DISC1: variants seen among roughly 807,000 people sequenced by gnomAD.
DISC1 encodes disrupted in schizophrenia 1 protein.
DISC1 carries 57 observed loss-of-function variants against 84.5 expected under a neutral mutation model. The ratio of observed to expected loss-of-function variants is 0.67; its 90% confidence interval spans 0.55 to 0.84. The LOEUF (loss-of-function observed/expected upper bound fraction) is 0.84. Among genes scored for constraint, DISC1 ranks in the 40% least tolerant of loss-of-function variants. The probability of loss-of-function intolerance (pLI) is 0.00; values close to 1 mark genes in which losing one functional copy is unlikely to be tolerated. For synonymous variants in DISC1, 411 were observed against 415.2 expected, an observed-to-expected ratio of 0.99 and a Z score of 0.12; for missense variants, 1,000 against 1,057.8, an observed-to-expected ratio of 0.95 and a Z score of 0.76.
At chr1:232,010,769 A>G (rs2103002867) in intron 11 of DISC1, among the ~76,000 whole-genome samples, 1 of 152,262 alleles carries the variant, frequency 6.6e-6, no homozygotes, top group South Asian at 2.1e-4. Context: ...AAGGAGTATG[A>G]TTTAATGGCA....
At chr1:231,631,853 G>A (rs2058735665) in intron 1 of DISC1, among the ~76,000 whole-genome samples, 2 of 152,112 alleles carry the variant, frequency 1.3e-5, no homozygotes, top group Non-Finnish European at 2.9e-5. Flanking sequence ...TAAGTGTACA[G>A]CGTTTATAAA....
chr1:231,916,479 C>T (rs1197547242), intron 9 of DISC1, among the ~76,000 whole-genome samples: 2 of 151,472 alleles, frequency 1.3e-5, no homozygotes, highest in Non-Finnish European at 2.9e-5. Flanking sequence ...GCGGTGAAAC[C>T]CCGTCTCTAC....
intron 9 of DISC1, among the ~76,000 whole-genome samples, chr1:231,902,418 T>C (rs1257586471): frequency 2.0e-5 from 3 of 152,094 alleles, no homozygotes; most frequent in Non-Finnish European, 4.4e-5. Context: ...CTGGCCAACA[T>C]GATGAAACCC....
At chr1:231,761,543 G>A (rs942596441) in intron 4 of DISC1, among the ~76,000 whole-genome samples, 12 of 151,964 alleles carry the variant, frequency 7.9e-5, no homozygotes, top group African/African-American at 2.9e-4. Context: ...TAATCACAGG[G>A]GATTTTCTTA....
chr1:231,850,786 G>T (rs1574257941), intron 9 of DISC1, among the ~76,000 whole-genome samples: 2 of 152,152 alleles, frequency 1.3e-5, no homozygotes, highest in East Asian at 3.8e-4. Context: ...TACGTCTTTG[G>T]TTCATTTTTT....
At chr1:231,912,747 T>TTCTC (rs1405064859) in intron 9 of DISC1, among the ~76,000 whole-genome samples, 1 of 3,644 alleles carries the variant, frequency 2.7e-4, no homozygotes, top group African/African-American at 1.3e-3. Flanking sequence ...TTGCTCTTCT[T>TTCTC]TCTTTCTTTC....
intron 3 of DISC1, among the ~76,000 whole-genome samples, chr1:231,720,083 G>A (rs1186712425): frequency 6.6e-6 from 1 of 152,128 alleles, no homozygotes; most frequent in African/African-American, 2.4e-5. Flanking sequence ...GTTTGCTACC[G>A]AGCGTGGCAA....
intron 10 of DISC1, among the ~76,000 whole-genome samples, chr1:231,995,393 G>A (rs1213426075): frequency 1.3e-5 from 2 of 151,600 alleles, no homozygotes; most frequent in African/African-American, 2.4e-5. Flanking sequence ...ACAATGTGCA[G>A]GTTAGTTACA....
chr1:231,790,320 A>G (rs931838634), intron 6 of DISC1, among the ~76,000 whole-genome samples: 5 of 152,248 alleles, frequency 3.3e-5, no homozygotes, highest in Middle Eastern at 3.4e-3. Context: ...GTCGTAATAA[A>G]GTACCATGGA....
chr1:231,703,755 C>T (rs1255520485), intron 3 of DISC1, among the ~76,000 whole-genome samples: 1 of 152,224 alleles, frequency 6.6e-6, no homozygotes, highest in East Asian at 1.9e-4. Flanking sequence ...TCAAAGAATA[C>T]AGGCATCTTC....
chr1:231,636,769 A>G (rs1335176162), intron 1 of DISC1, among the ~76,000 whole-genome samples: 2 of 152,152 alleles, frequency 1.3e-5, no homozygotes, highest in Non-Finnish European at 2.9e-5. Context: ...TTATATTGAC[A>G]CTACCTTTAA....
chr1:231,694,249 G>T lies in DISC1; in HGVS notation c.491G>T (p.Cys164Phe), dbSNP rs181767113. The change falls in exon 2 of 13, where the codon TGC (cysteine) becomes TTC (phenylalanine). Residue 164 changes from cysteine (C) to phenylalanine (F), a missense_variant. By Grantham distance (205) the Cys-to-Phe change is radical. Coordinates refer to ENST00000439617, the MANE Select transcript of DISC1 (RefSeq NM_018662.3). The part of the protein sequence containing the change: ...ETLDASWEAA[C>F]SDGARRVRAA... ...CTGGACGCCAGCTGGGAGGCAGCCTGCAGCGATGGAGCAAGGCGTGTCCGG... is the reference window on the plus strand; with the variant it reads ...CTGGACGCCAGCTGGGAGGCAGCCTTCAGCGATGGAGCAAGGCGTGTCCGG... The T allele has an allele frequency of 6.2e-7, 1 of 1,614,234 alleles. No individual in the cohort carries two copies. Among genetic ancestry groups the T allele is most frequent in the African/African-American group, 1.3e-5 (1 of 75,072 alleles).
At chr1:231,831,086 C>A (rs2082189059) in intron 9 of DISC1, among the ~76,000 whole-genome samples, 1 of 152,164 alleles carries the variant, frequency 6.6e-6, no homozygotes, top group Non-Finnish European at 1.5e-5. Flanking sequence ...GGCCTCTACC[C>A]ATCCAGTGAA....
At chr1:231,764,686 T>A (rs1049757546) in intron 4 of DISC1, among the ~76,000 whole-genome samples, 3 of 152,192 alleles carry the variant, frequency 2.0e-5, no homozygotes, top group African/African-American at 7.2e-5. Flanking sequence ...GAAAAAAACC[T>A]GATTTTTGTA....
At chr1:231,975,054 G>A (rs941545850) in intron 10 of DISC1, among the ~76,000 whole-genome samples, 3 of 152,086 alleles carry the variant, frequency 2.0e-5, no homozygotes, top group African/African-American at 4.8e-5. Flanking sequence ...AGCTGAGATC[G>A]CACCACTGCA....
At chr1:231,742,275 C>G (rs931206441) in intron 3 of DISC1, among the ~76,000 whole-genome samples, 1 of 152,120 alleles carries the variant, frequency 6.6e-6, no homozygotes, top group Non-Finnish European at 1.5e-5. Flanking sequence ...TTCGGGGAAC[C>G]CAGAGAGCCA....
At chr1:231,949,296 A>G (rs1018818595) in intron 9 of DISC1, among the ~76,000 whole-genome samples, 1 of 152,098 alleles carries the variant, frequency 6.6e-6, no homozygotes, top group Non-Finnish European at 1.5e-5. Flanking sequence ...TTTGGCCTCT[A>G]ATGAGACTAT....
chr1:231,641,173 A>G (rs537174545), intron 1 of DISC1, among the ~76,000 whole-genome samples: 2 of 152,310 alleles, frequency 1.3e-5, no homozygotes, highest in African/African-American at 4.8e-5. Flanking sequence ...TTGGGCTCTG[A>G]GTGTGTCCGG....
chr1:231,828,344 T>G (rs2082003742), intron 9 of DISC1, among the ~76,000 whole-genome samples: 1 of 152,198 alleles, frequency 6.6e-6, no homozygotes, highest in South Asian at 2.1e-4. Context: ...ACATTGGAAT[T>G]TGGCAAGTGT....
Sources: allele counts gnomAD v4.1 joint callset (sites outside exome capture counted in the v4.1 genomes callset), GRCh38; gene constraint gnomAD v4.1.1; transcripts MANE v1.5; gene names NCBI Gene and HGNC (gene_info 2026-07-23, HGNC 2026-07-21).